The following GRAMD2B variants were observed in gnomAD, a reference collection of about 807,000 sequenced individuals.
GRAMD2B encodes the protein GRAM domain-containing protein 2B.
In GRAMD2B, 41 loss-of-function variants were observed where a neutral mutation model predicts 59.2. The observed-to-expected ratio is 0.69, with a 90% CI of 0.54 to 0.90. The LOEUF (loss-of-function observed/expected upper bound fraction) is 0.90, where lower values mean the gene tolerates loss of function less well. Among genes scored for constraint, GRAMD2B ranks in the 40% least tolerant of loss-of-function variants. The pLI is 0.00. For missense variants in GRAMD2B, 424 were observed against 500.5 expected, an observed-to-expected ratio of 0.85 and a Z score of 1.46; for synonymous variants, 161 against 182.7, an observed-to-expected ratio of 0.88 and a Z score of 0.96.
chr5:126,370,011 T>C (rs1346206444), upstream of GRAMD2B, among the ~76,000 whole-genome samples: 1 of 152,096 alleles, frequency 6.6e-6, no homozygotes, highest in Admixed American at 6.5e-5. Context: ...GAAAGAGAAA[T>C]ATAGACCGTG....
At chr5:126,391,635 T>C (rs903212222) in intron 1 of GRAMD2B, among the ~76,000 whole-genome samples, 30 of 152,200 alleles carry the variant, frequency 2.0e-4, no homozygotes, top group African/African-American at 7.2e-4. Context: ...TACTATTATA[T>C]GCCACAACAC....
intron 1 of GRAMD2B, among the ~76,000 whole-genome samples, chr5:126,452,374 G>A (rs1394439051): frequency 6.6e-6 from 1 of 152,060 alleles, no homozygotes; most frequent in African/African-American, 2.4e-5. Context: ...CTTCACCTCG[G>A]GGGTTAGAAT....
At chr5:126,450,647 G>A (rs1195446434) in intron 1 of GRAMD2B, among the ~76,000 whole-genome samples, 4 of 96,098 alleles carry the variant, frequency 4.2e-5, no homozygotes, top group African/African-American at 7.5e-5. Flanking sequence ...CATCCAGCCT[G>A]CTGTTAAAAA....
chr5:126,460,313 T>A (rs1767108718), intron 1 of GRAMD2B, among the ~76,000 whole-genome samples: 1 of 152,200 alleles, frequency 6.6e-6, no homozygotes, highest in South Asian at 2.1e-4. Flanking sequence ...AATTTGTTTT[T>A]CCATTTGTAA....
intron 6 of GRAMD2B, among the ~76,000 whole-genome samples, chr5:126,479,298 C>T (rs982556019): frequency 6.6e-6 from 1 of 151,960 alleles, no homozygotes; most frequent in Non-Finnish European, 1.5e-5. Flanking sequence ...CCTCAGCCTC[C>T]CAAAGTGCTG....
At chr5:126,437,321 C>T (rs1003289340) in intron 1 of GRAMD2B, among the ~76,000 whole-genome samples, 1 of 152,180 alleles carries the variant, frequency 6.6e-6, no homozygotes, top group South Asian at 2.1e-4. Context: ...AATGGATTGA[C>T]AGAGCGAGAA....
At chr5:126,437,521 T>A (rs1397063288) in intron 1 of GRAMD2B, among the ~76,000 whole-genome samples, 5 of 151,830 alleles carry the variant, frequency 3.3e-5, no homozygotes, top group African/African-American at 7.3e-5. Context: ...ATCATGAGAG[T>A]GGGTCCAATT....
intron 1 of GRAMD2B, among the ~76,000 whole-genome samples, chr5:126,394,046 G>A (rs763699128): frequency 1.9e-4 from 29 of 152,054 alleles, no homozygotes; most frequent in Non-Finnish European, 3.4e-4. Context: ...AGGCCAAGGC[G>A]GGCAGATCAC....
rs866791633 is a variant in GRAMD2B, at chr5:126,481,199, A to T, written c.735+492A>T. Among the ~76,000 whole-genome samples the T allele has an allele frequency of 5.4e-5, 5 of 92,346 alleles. No homozygotes were observed. In the Admixed American group the frequency reaches 5.6e-4, roughly 10 times the overall value. 60.6% of individuals were successfully genotyped at this position (92,346 alleles called of 152,430 possible). A position where few individuals can be genotyped will look rare whatever the true frequency, so the allele number is the denominator to read the frequency against. On this transcript the variant is annotated intron_variant, in intron 8 of 13. Coordinates refer to ENST00000285689, the MANE Select transcript of GRAMD2B (RefSeq NM_023927.4). ...ATGCTCAGAATTAACTGTAAAAAAAAAAAAAAAGAAAGAAAGAAAGAAAGA... is the reference window on the plus strand; with the variant it reads ...ATGCTCAGAATTAACTGTAAAAAAATAAAAAAAGAAAGAAAGAAAGAAAGA...
chr5:126,435,876 C>T (rs1402426696), intron 1 of GRAMD2B, among the ~76,000 whole-genome samples: 1 of 152,198 alleles, frequency 6.6e-6, no homozygotes, highest in African/African-American at 2.4e-5. Flanking sequence ...AGGACTGCCG[C>T]TGGAACATAC....
At chr5:126,408,061 A>G (rs1202232531) in intron 1 of GRAMD2B, among the ~76,000 whole-genome samples, 1 of 151,850 alleles carries the variant, frequency 6.6e-6, no homozygotes, top group Admixed American at 6.6e-5. Context: ...CCAGGTCCTG[A>G]GCATAGTCCC....
At chr5:126,453,692 T>C (rs1765771608) in intron 1 of GRAMD2B, among the ~76,000 whole-genome samples, 1 of 152,224 alleles carries the variant, frequency 6.6e-6, no homozygotes, top group African/African-American at 2.4e-5. Context: ...CAAGTTTCCA[T>C]ATGGTTTCAA....
At chr5:126,394,312 T>C (rs1323926871) in intron 1 of GRAMD2B, among the ~76,000 whole-genome samples, 1 of 151,530 alleles carries the variant, frequency 6.6e-6, no homozygotes. Context: ...GGGATATTAG[T>C]CTGCAGAGGC....
rs982521734 is a variant in GRAMD2B at position 126,427,227 on chromosome 5, C to T, written c.83+3538C>T. ...GCTGCACCCATCAACCCATCATTTACGTTAGGTATTTCTCCTAATGCAATC... is the reference window on the plus strand; with the variant it reads ...GCTGCACCCATCAACCCATCATTTATGTTAGGTATTTCTCCTAATGCAATC... On this transcript the variant is annotated intron_variant, in intron 1 of 13. Transcript: ENST00000285689. Among the ~76,000 whole-genome samples the T allele has an allele frequency of 3.3e-5, 5 of 152,250 alleles. No homozygotes were observed. In the East Asian group the frequency reaches 5.8e-4, roughly 18 times the overall value.
intron 3 of GRAMD2B, among the ~76,000 whole-genome samples, chr5:126,471,132 G>A (rs1465006888): frequency 1.3e-5 from 2 of 152,116 alleles, no homozygotes; most frequent in Non-Finnish European, 2.9e-5. Flanking sequence ...TGGCAAAACA[G>A]GGCCAGTTTT....
chr5:126,391,319 C>CAAAAAAAGAAAAAAAAA (rs1756737046), intron 1 of GRAMD2B, among the ~76,000 whole-genome samples: 1 of 76,350 alleles, frequency 1.3e-5, no homozygotes, highest in Non-Finnish European at 2.6e-5. Flanking sequence ...GACTCCATCT[C>CAAAAAAAGAAAAAAAAA]AAAAAAAAAA....
At chr5:126,484,999 G>A (rs1401970207) in intron 10 of GRAMD2B, among the ~76,000 whole-genome samples, 4 of 152,050 alleles carry the variant, frequency 2.6e-5, no homozygotes, top group Admixed American at 1.3e-4. Flanking sequence ...ACCCAGTTCC[G>A]TGCTTACAGT....
In GRAMD2B at chr5:126,410,170, G is replaced by A. The variant is rs561026932; in HGVS notation, c.125+38603G>A. 3.0e-4 allele frequency among the ~76,000 whole-genome samples: 46 copies of A among 152,074 alleles called. 1 individual carries two copies. In the South Asian group the frequency reaches 4.0e-3, roughly 13 times the overall value. On this transcript the variant is annotated intron_variant, in intron 1 of 8. Transcript: ENST00000506445. Reference sequence around the variant, plus strand: ...TGGCTTAGGATTGACTTAGCAATGCGGGCTCTTTTTTGGTTCCATATGAAC... The same window carrying A: ...TGGCTTAGGATTGACTTAGCAATGCAGGCTCTTTTTTGGTTCCATATGAAC...
intron 1 of GRAMD2B, among the ~76,000 whole-genome samples, chr5:126,414,815 T>C (rs1004260269): frequency 6.6e-6 from 1 of 152,140 alleles, no homozygotes; most frequent in Admixed American, 6.5e-5. Flanking sequence ...CAGAGCCCTA[T>C]AGGAAGATGG....
Sources: gnomAD v4.1 joint callset for allele counts (sites outside exome capture counted in the v4.1 genomes callset) on GRCh38, gnomAD v4.1.1 for gene constraint, MANE v1.5 for transcripts, NCBI Gene and HGNC (gene_info 2026-07-23, HGNC 2026-07-21) for gene names.